Variants in JMJD6 observed in about 807,000 individuals in gnomAD.
JMJD6 encodes the protein jumonji domain containing 6, arginine demethylase and lysine hydroxylase, also known as bifunctional arginine demethylase and lysyl-hydroxylase JMJD6.
Under a neutral mutation model 45.8 loss-of-function variants are expected in JMJD6, and 17 were observed. The ratio of observed to expected loss-of-function variants is 0.37; its 90% confidence interval spans 0.25 to 0.56. The LOEUF (loss-of-function observed/expected upper bound fraction) is 0.56. Among genes scored for constraint, JMJD6 ranks in the 20% least tolerant of loss-of-function variants. JMJD6 has a pLI of 0.79. For missense variants in JMJD6, 470 were observed against 517.5 expected, an observed-to-expected ratio of 0.91 and a Z score of 0.89; for synonymous variants, 221 against 196.3, an observed-to-expected ratio of 1.13 and a Z score of -1.05.
At chr17:76,721,528 A>G (rs1254953964) in intron 4 of JMJD6, 1 of 466,360 alleles carries the variant, frequency 2.1e-6, no homozygotes, top group African/African-American at 1.9e-5. Flanking sequence ...AAAACACAAA[A>G]CAAAACGAGA....
downstream of JMJD6, among the ~76,000 whole-genome samples, chr17:76,718,264 G>A (rs1292108453): frequency 1.3e-5 from 2 of 150,934 alleles, no homozygotes; most frequent in Non-Finnish European, 2.9e-5. Context: ...GAAAAAGCAA[G>A]AGGCCACGCC....
downstream of JMJD6, among the ~76,000 whole-genome samples, chr17:76,717,661 AAC>A (rs2076774986): frequency 6.6e-6 from 1 of 151,940 alleles, no homozygotes; most frequent in Admixed American, 6.6e-5. Flanking sequence ...CAGCCTGGGC[AAC>A]ACAGAGAGAC....
At position 76,725,734 on chromosome 17, in the gene JMJD6, T is replaced by C; in HGVS notation, c.251A>G (p.Lys84Arg). 6.2e-7 allele frequency: 1 copy of C among 1,614,116 alleles called. No homozygotes were observed. Among genetic ancestry groups the C allele is most frequent in the Non-Finnish European group, 8.5e-7 (1 of 1,180,024 alleles). Residue 84 changes from lysine to arginine, a missense_variant, in exon 2 of 6, where the codon AAA becomes AGA. Lys to Arg is a conservative substitution (Grantham distance 26). Coordinates refer to ENST00000397625, the MANE Select transcript of JMJD6 (RefSeq NM_015167.3). ...NAQEGWSAQE[K>R]WTLERLKRKY... ...CCTTTTTAGGCGCTCCAGAGTCCAT[T>C]TCTCCTGCGCAGACCAGCCCTCTTG... is the stretch of plus-strand genomic sequence containing the variant.
chr17:76,725,423 A>AAC, intron 2 of JMJD6, 44 bp downstream of exon 2: 2 of 1,504,038 alleles, frequency 1.3e-6, no homozygotes, highest in Non-Finnish European at 1.8e-6. Context: ...AAAAAAAAAA[A>AAC]AAAAAGAAAA....
At chr17:76,717,009 G>A (rs965111623), downstream of JMJD6, among the ~76,000 whole-genome samples, 1 of 152,170 alleles carries the variant, frequency 6.6e-6, no homozygotes, top group Non-Finnish European at 1.5e-5. Context: ...AAATTCACTT[G>A]AGTAAGTCAC....
chr17:76,716,547 T>A (rs60257128), downstream of JMJD6: 351 of 753,386 alleles, frequency 4.7e-4, 1 homozygote, highest in African/African-American at 5.5e-3. Context: ...TGACCGAAGA[T>A]AGGAGCTTGG....
rs1301580761 is a variant in JMJD6 at position 76,725,608 on chromosome 17, T to C, written c.377A>G (p.Asp126Gly). The change falls in exon 2 of 6, where the codon GAT becomes GGT. Residue 126 changes from aspartate to glycine, a missense_variant. Coordinates refer to ENST00000397625, the MANE Select transcript of JMJD6 (RefSeq NM_015167.3). The part of the protein sequence containing the change: ...YYIEYMESTR[D>G]DSPLYIFDSS... ...GTCAAAGATGTAAAGGGGACTATCATCTCGAGTGCTCTCCATGTACTCGAT... is the reference window on the plus strand; with the variant it reads ...GTCAAAGATGTAAAGGGGACTATCACCTCGAGTGCTCTCCATGTACTCGAT... 1 of 1,614,100 alleles carries C rather than the reference T, an allele frequency of 6.2e-7. No individual in the cohort carries two copies. Among genetic ancestry groups the C allele is most frequent in the East Asian group, 2.2e-5 (1 of 44,876 alleles).
chr17:76,723,337 G>A (rs1433243427), intron 3 of JMJD6, among the ~76,000 whole-genome samples: 1 of 152,106 alleles, frequency 6.6e-6, no homozygotes, highest in Admixed American at 6.5e-5. Flanking sequence ...ACTGTCAGAG[G>A]TGAGTACCAG....
In JMJD6 at chr17:76,721,950, A is replaced by G. The variant is rs1567999196; in HGVS notation, c.806-17T>C. The G allele has an allele frequency of 1.2e-6, 2 of 1,613,638 alleles. No homozygotes were observed. Among genetic ancestry groups the G allele is most frequent in the South Asian group, 1.1e-5 (1 of 91,038 alleles). On this transcript the variant is annotated splice_polypyrimidine_tract_variant and intron_variant, in intron 3 of 5. Coordinates refer to ENST00000397625, the MANE Select transcript of JMJD6 (RefSeq NM_015167.3). Reference sequence around the variant, plus strand: ...ACCAGCCTCCTGAAATCCAACAAATAAACAGTTAAACAAGGTTTGATCCTA... The same window carrying G: ...ACCAGCCTCCTGAAATCCAACAAATGAACAGTTAAACAAGGTTTGATCCTA...
chr17:76,717,532 C>G (rs894713982), downstream of JMJD6, among the ~76,000 whole-genome samples: 5 of 152,152 alleles, frequency 3.3e-5, no homozygotes, highest in African/African-American at 4.8e-5. Flanking sequence ...CAATCTTGTA[C>G]TTGGAGACGT....
At chr17:76,720,288 G>C in intron 5 of JMJD6, 72 bp downstream of exon 5, 1 of 1,405,430 alleles carries the variant, frequency 7.1e-7, no homozygotes, top group Non-Finnish European at 1.0e-6. Context: ...AGGAGGAAGA[G>C]TCACACCTGG....
At chr17:76,718,301 A>T, downstream of JMJD6, 1 of 412,480 alleles carries the variant, frequency 2.4e-6, no homozygotes, top group Non-Finnish European at 3.6e-6. Context: ...ATGCCGGGTG[A>T]CTTTTCCAAT....
At chr17:76,721,769 A>C in intron 4 of JMJD6, 29 bp downstream of exon 4, 1 of 1,608,596 alleles carries the variant, frequency 6.2e-7, no homozygotes, top group Non-Finnish European at 8.5e-7. Flanking sequence ...ATTGAAACCA[A>C]GCAGAAATAA....
intron 1 of JMJD6, 128 bp downstream of exon 1, chr17:76,726,219 C>A: frequency 7.9e-7 from 1 of 1,272,876 alleles, no homozygotes; most frequent in Non-Finnish European, 1.0e-6. Context: ...CCAAACTCCG[C>A]GGGGTGCGGG....
intron 4 of JMJD6, chr17:76,721,522 CACAAA>C (rs2076823932): frequency 2.2e-6 from 1 of 450,180 alleles, no homozygotes; most frequent in African/African-American, 1.9e-5. Context: ...AAAAACAAAA[CACAAA>C]ACAAAACGAG....
downstream of JMJD6, chr17:76,716,853 T>C: frequency 1.3e-6 from 1 of 798,200 alleles, no homozygotes; most frequent in Admixed American, 2.3e-5. Flanking sequence ...TCTCCAGAGT[T>C]TTCTTACAAA....
At position 76,723,928 on chromosome 17, in the gene JMJD6, G is replaced by A. The variant is rs1480096216; in HGVS notation, c.649C>T (p.Leu217Phe). ...CCTTCGTCTCGGGTCACTTTGATGA[G>A]TTCCCTGGGAGTGCTGGTAGGAAAC... ...CLFPTSTPRE[L>F]IKVTRDEGGN... The change falls in exon 3 of 6, where the codon CTC becomes TTC. Residue 217 changes from leucine to phenylalanine, a missense_variant. This residue lies in a region of JMJD6 where 346 missense variants were observed against 339.5 expected (regional missense o/e 1.02). Coordinates refer to ENST00000397625, the MANE Select transcript of JMJD6 (RefSeq NM_015167.3). The A allele has an allele frequency of 3.7e-6, 6 of 1,613,956 alleles. No homozygotes were observed. The highest frequency in any genetic ancestry group is 5.1e-6 in the Non-Finnish European group (6 of 1,180,030).
At chr17:76,718,389 A>G (rs2076783487), downstream of JMJD6, 2 of 1,176,826 alleles carry the variant, frequency 1.7e-6, no homozygotes, top group East Asian at 3.3e-5. Flanking sequence ...CCCCAAGACC[A>G]CCATGAGGAG....
rs933432513 is a variant in JMJD6 at position 76,723,913 on chromosome 17, G to T, written c.664C>A (p.Arg222=). The change falls in exon 3 of 6, where the codon CGA becomes AGA. Residue 222 remains arginine (R), a synonymous_variant. Coordinates refer to ENST00000397625, the MANE Select transcript of JMJD6 (RefSeq NM_015167.3). ...TCTTGCTGGTTCCCTCCTTCGTCTC[G>T]GGTCACTTTGATGAGTTCCCTGGGA... ...STPRELIKVT[R]DEGGNQQDEA... The T allele has an allele frequency of 1.9e-6, 3 of 1,613,974 alleles. No individual in the cohort carries two copies. Among genetic ancestry groups the T allele is most frequent in the Non-Finnish European group, 8.5e-7 (1 of 1,180,006 alleles).
Sources: gnomAD v4.1 joint callset for allele counts (sites outside exome capture counted in the v4.1 genomes callset) on GRCh38, gnomAD v4.1.1 for gene constraint, gnomAD v4.1.1 regional missense constraint, MANE v1.5 for transcripts, NCBI Gene and HGNC (gene_info 2026-07-23, HGNC 2026-07-21) for gene names.